The following MBD5 variants were observed in gnomAD, a reference collection of about 807,000 sequenced individuals.
MBD5 encodes the protein methyl-CpG-binding domain protein 5.
In MBD5, 13 loss-of-function variants were observed where a neutral mutation model predicts 117.3. The observed-to-expected ratio is 0.11, with a 90% confidence interval of 0.07 to 0.18. MBD5 has a LOEUF of 0.18. MBD5 is among the 10% of genes least tolerant of loss of function. The pLI is 1.00. For synonymous variants in MBD5, 727 were observed against 766.4 expected (o/e 0.95, Z 0.85); for missense variants, 1,879 against 2,093.8 (o/e 0.90, Z 2.00).
At position 148,223,495 on chromosome 2, in the gene MBD5, A is replaced by AT. The variant is rs993744621; in HGVS notation, c.-830-9745dup. Among the ~76,000 whole-genome samples the AT allele has an allele frequency of 8.6e-5, 13 of 151,856 alleles. No homozygotes were observed. The South Asian group carries it at 1.9e-3, about 22-fold the overall frequency. ...TCATGGTTTAATCTTGGTATGTTGT[A>AT]TTTTTCTAGGAATTTGTCCATTTCT... On this transcript the variant is annotated intron_variant, in intron 2 of 13. Coordinates refer to ENST00000642680, the MANE Select transcript of MBD5 (RefSeq NM_001378120.1).
At chr2:148,212,717 A>G (rs1463830953) in intron 2 of MBD5, among the ~76,000 whole-genome samples, 3 of 152,184 alleles carry the variant, frequency 2.0e-5, no homozygotes, top group Non-Finnish European at 4.4e-5. Flanking sequence ...ATTTTTTATA[A>G]TAACTTGAAA....
At chr2:148,189,027 C>CA (rs1260526224) in intron 2 of MBD5, among the ~76,000 whole-genome samples, 5 of 146,896 alleles carry the variant, frequency 3.4e-5, no homozygotes, top group Non-Finnish European at 7.5e-5. Flanking sequence ...TCACTCCCAC[C>CA]CGAATATTGC....
At chr2:148,273,311 G>A (rs1302270382) in intron 3 of MBD5, among the ~76,000 whole-genome samples, 1 of 152,122 alleles carries the variant, frequency 6.6e-6, no homozygotes, top group East Asian at 1.9e-4. Context: ...CACTTTGCTT[G>A]GGGATTGAAA....
At chr2:148,148,771 C>T (rs1187332789) in intron 1 of MBD5, among the ~76,000 whole-genome samples, 1 of 152,108 alleles carries the variant, frequency 6.6e-6, no homozygotes, top group Non-Finnish European at 1.5e-5. Context: ...GAAACATTTT[C>T]CTTGTGCACC....
intron 3 of MBD5, among the ~76,000 whole-genome samples, chr2:148,279,675 C>G (rs1039904251): frequency 6.6e-6 from 1 of 152,168 alleles, no homozygotes; most frequent in Non-Finnish European, 1.5e-5. Context: ...CTAGATGTAT[C>G]TCATCTGAAC....
At chr2:148,082,585 C>T (rs139557038) in intron 1 of MBD5, among the ~76,000 whole-genome samples, 260 of 152,266 alleles carry the variant, frequency 1.7e-3, no homozygotes, top group African/African-American at 6.0e-3. Flanking sequence ...CAGAGCTCTG[C>T]TAAATGTTGG....
At chr2:148,153,148 C>G (rs1353070319) in intron 1 of MBD5, among the ~76,000 whole-genome samples, 1 of 151,566 alleles carries the variant, frequency 6.6e-6, no homozygotes, top group East Asian at 2.0e-4. Flanking sequence ...GTGACAAAAT[C>G]TCTCAGCATT....
At chr2:148,128,495 T>C (rs2105452181) in intron 1 of MBD5, among the ~76,000 whole-genome samples, 1 of 152,320 alleles carries the variant, frequency 6.6e-6, no homozygotes, top group South Asian at 2.1e-4. Flanking sequence ...AGTTTCTTTG[T>C]GGGACTGTCC....
rs1025934526 is a variant in MBD5 at position 148,021,281 on chromosome 2, G to C, written c.-1328G>C. Reference sequence around the variant, plus strand: ...CACCCTCCAGCCCTGAGCCCTGAGAGGGGGATTGAGCCTGAGAGAGGAGAA... The same window carrying C: ...CACCCTCCAGCCCTGAGCCCTGAGACGGGGATTGAGCCTGAGAGAGGAGAA... On this transcript the variant is annotated 5_prime_UTR_variant, in exon 1 of 14. Transcript: ENST00000642680. 2 of 359,060 alleles carry C rather than the reference G, an allele frequency of 5.6e-6. No homozygotes were observed. The highest frequency in any genetic ancestry group is 1.1e-5 in the Non-Finnish European group (2 of 181,824). The allele number at this position is 359,060 out of a possible 1,614,324, so 22.2% of individuals were successfully genotyped here.
At chr2:148,406,025 T>TA (rs1705067020) in intron 4 of MBD5, among the ~76,000 whole-genome samples, 2 of 152,008 alleles carry the variant, frequency 1.3e-5, no homozygotes, top group African/African-American at 2.4e-5. Flanking sequence ...AATAAATAAA[T>TA]AATTAATTAA....
At chr2:148,436,938 A>G (rs1193609034) in intron 4 of MBD5, among the ~76,000 whole-genome samples, 2 of 151,880 alleles carry the variant, frequency 1.3e-5, no homozygotes, top group African/African-American at 4.8e-5. Flanking sequence ...CTTCCCTACT[A>G]ATTTTTATGT....
At chr2:148,124,559 CAG>C in intron 1 of MBD5, among the ~76,000 whole-genome samples, 4 of 152,224 alleles carry the variant, frequency 2.6e-5, no homozygotes, top group Admixed American at 2.6e-4. Flanking sequence ...GCCTGGGTGA[CAG>C]AGTTAAACCC....
At chr2:148,147,575 A>C (rs934413999) in intron 1 of MBD5, among the ~76,000 whole-genome samples, 3 of 151,784 alleles carry the variant, frequency 2.0e-5, no homozygotes, top group African/African-American at 7.3e-5. Flanking sequence ...TTAACTGTCA[A>C]CTCTAAAAAT....
chr2:148,505,091 G>T (rs1681991086), intron 12 of MBD5, among the ~76,000 whole-genome samples: 1 of 152,156 alleles, frequency 6.6e-6, no homozygotes, highest in East Asian at 1.9e-4. Flanking sequence ...TGGAAAAGAA[G>T]GAATGTGGTC....
intron 4 of MBD5, among the ~76,000 whole-genome samples, chr2:148,381,744 A>G (rs900182563): frequency 6.6e-6 from 1 of 152,244 alleles, no homozygotes; most frequent in African/African-American, 2.4e-5. Context: ...AGCCCATCAC[A>G]CTAACAGCTG....
At chr2:148,356,347 T>G (rs1703379570) in intron 4 of MBD5, among the ~76,000 whole-genome samples, 2 of 152,146 alleles carry the variant, frequency 1.3e-5, no homozygotes, top group Non-Finnish European at 2.9e-5. Context: ...TTGCTCTGGT[T>G]TCCTTATTTT....
At chr2:148,088,128 C>T (rs778899193) in intron 1 of MBD5, among the ~76,000 whole-genome samples, 2 of 151,682 alleles carry the variant, frequency 1.3e-5, no homozygotes, top group Non-Finnish European at 2.9e-5. Flanking sequence ...ACGTTGAAGA[C>T]AAGGCTTTTG....
At chr2:148,216,827 C>A (rs1450262756) in intron 2 of MBD5, among the ~76,000 whole-genome samples, 1 of 152,090 alleles carries the variant, frequency 6.6e-6, no homozygotes. Context: ...CAGCACCACC[C>A]AAAGTACTTT....
chr2:148,295,105 T>C (rs1195907611), intron 3 of MBD5, among the ~76,000 whole-genome samples: 2 of 152,220 alleles, frequency 1.3e-5, no homozygotes, highest in African/African-American at 4.8e-5. Context: ...ATTTTGGAAG[T>C]TTCCAGCCAT....
Sources: gnomAD v4.1 joint callset for allele counts (sites outside exome capture counted in the v4.1 genomes callset) on GRCh38, gnomAD v4.1.1 for gene constraint, MANE v1.5 for transcripts, NCBI Gene and HGNC (gene_info 2026-07-23, HGNC 2026-07-21) for gene names.